FNDC3A: variants seen among roughly 807,000 people sequenced by gnomAD.
The protein encoded by FNDC3A is fibronectin type-III domain-containing protein 3A.
FNDC3A carries 32 observed loss-of-function variants against 148.9 expected under a neutral mutation model. That is an observed-to-expected ratio of 0.21 (90% CI 0.16 to 0.29). The LOEUF is 0.29. FNDC3A is among the 10% of genes least tolerant of loss of function. FNDC3A has a pLI of 1.00. For missense variants in FNDC3A, 1,191 were observed against 1,452.8 expected, an observed-to-expected ratio of 0.82 and a Z score of 2.93; for synonymous variants, 472 against 473.6, an observed-to-expected ratio of 1.00 and a Z score of 0.04.
chr13:49,172,017 A>C (rs1210546314), intron 10 of FNDC3A, 26 bp from the exon 11 acceptor site: 1 of 1,562,494 alleles, frequency 6.4e-7, no homozygotes, highest in Non-Finnish European at 8.8e-7. Context: ...ATTTGTTTTC[A>C]TTTTGTTTTT....
chr13:48,988,693 ATAAG>A (rs947035956), intron 1 of FNDC3A, among the ~76,000 whole-genome samples: 2 of 151,818 alleles, frequency 1.3e-5, no homozygotes, highest in South Asian at 2.1e-4. Flanking sequence ...TAATAAGTAA[ATAAG>A]TAAGTAAGCC....
rs760887066 is a variant in FNDC3A, at chr13:49,175,391, T to C, written c.1380T>C (p.Tyr460=). ...GTSGFSEEVL[Y]YTSGCAPSMP... The stretch of plus-strand genomic sequence containing the variant: ...GTGGTTTTAGTGAAGAAGTCTTATA[T>C]TACACCTCAGGCTGTGCTCCTTCTA... The change falls in exon 13 of 26, where the codon TAT becomes TAC. Residue 460 remains tyrosine (Y), a synonymous_variant. Coordinates refer to ENST00000492622, the MANE Select transcript of FNDC3A (RefSeq NM_001079673.2). The C allele has an allele frequency of 1.0e-5, 16 of 1,595,764 alleles. No homozygotes were observed. Among genetic ancestry groups the C allele is most frequent in the Non-Finnish European group, 1.4e-5 (16 of 1,172,938 alleles).
intron 2 of FNDC3A, among the ~76,000 whole-genome samples, chr13:49,026,446 A>T (rs996469339): frequency 1.3e-5 from 2 of 152,250 alleles, no homozygotes; most frequent in African/African-American, 4.8e-5. Context: ...AATATTAAAG[A>T]CATGCCATTA....
intron 8 of FNDC3A, among the ~76,000 whole-genome samples, chr13:49,163,427 G>T (rs917087230): frequency 1.3e-5 from 2 of 152,218 alleles, no homozygotes; most frequent in African/African-American, 2.4e-5. Flanking sequence ...GTGGGCGTGG[G>T]ACCCTCCATG....
At chr13:49,127,688 C>T (rs1881783377) in intron 4 of FNDC3A, among the ~76,000 whole-genome samples, 1 of 152,202 alleles carries the variant, frequency 6.6e-6, no homozygotes, top group African/African-American at 2.4e-5. Context: ...GTCTATTCAA[C>T]ATTTCCACTA....
chr13:49,098,278 A>C (rs1480222879), intron 3 of FNDC3A, among the ~76,000 whole-genome samples: 1 of 152,084 alleles, frequency 6.6e-6, no homozygotes, highest in African/African-American at 2.4e-5. Context: ...TCACTTGAGC[A>C]GTTTTTTTCA....
chr13:49,042,092 G>GT (rs768089335), intron 2 of FNDC3A, among the ~76,000 whole-genome samples: 10 of 152,102 alleles, frequency 6.6e-5, no homozygotes, highest in Non-Finnish European at 1.5e-4. Context: ...AGATATGGGA[G>GT]TAAAAAGGAG....
chr13:49,012,805 A>ATATGTGTGTG (rs1555277951), intron 2 of FNDC3A, among the ~76,000 whole-genome samples: 2 of 134,524 alleles, frequency 1.5e-5, no homozygotes, highest in African/African-American at 2.9e-5. Flanking sequence ...GCAATTATAA[A>ATATGTGTGTG]TGTGTGTGTG....
chr13:49,087,824 AGTTG>A (rs915492922), intron 3 of FNDC3A, among the ~76,000 whole-genome samples: 3 of 152,312 alleles, frequency 2.0e-5, no homozygotes, highest in African/African-American at 7.2e-5. Context: ...TAAGAGGGGA[AGTTG>A]GTTGGTTTTA....
intron 2 of FNDC3A, among the ~76,000 whole-genome samples, chr13:49,063,575 T>C (rs1179607663): frequency 6.6e-6 from 1 of 152,112 alleles, no homozygotes; most frequent in East Asian, 1.9e-4. Context: ...TCCAAGAAAT[T>C]ACATTAATAT....
At chr13:49,089,171 G>A (rs1442582855) in intron 3 of FNDC3A, among the ~76,000 whole-genome samples, 1 of 152,140 alleles carries the variant, frequency 6.6e-6, no homozygotes, top group Non-Finnish European at 1.5e-5. Flanking sequence ...CACTTAAAAT[G>A]TGTTAAAATG....
At chr13:49,143,252 A>G (rs1882790718) in intron 7 of FNDC3A, among the ~76,000 whole-genome samples, 1 of 152,150 alleles carries the variant, frequency 6.6e-6, no homozygotes, top group Admixed American at 6.5e-5. Flanking sequence ...GGCCCAGTGC[A>G]GTGGCTCACA....
intron 2 of FNDC3A, among the ~76,000 whole-genome samples, chr13:49,067,001 A>C (rs114419537): frequency 0.019 from 2,846 of 152,236 alleles, 93 homozygotes; most frequent in African/African-American, 0.063. Context: ...TATGGGCAAA[A>C]GTGTAGAGGC....
intron 2 of FNDC3A, among the ~76,000 whole-genome samples, chr13:49,008,953 T>A (rs1438385684): frequency 7.4e-6 from 1 of 135,906 alleles, no homozygotes; most frequent in East Asian, 2.1e-4. Flanking sequence ...GTGTGATATA[T>A]TTGTTACAAT....
At chr13:49,146,746 AT>A (rs1209067932) in intron 8 of FNDC3A, 6 of 152,236 alleles carry the variant, frequency 3.9e-5, no homozygotes, top group African/African-American at 1.4e-4. Context: ...CAAGAAAAAA[AT>A]AAAAGTATAT....
intron 19 of FNDC3A, among the ~76,000 whole-genome samples, chr13:49,196,624 C>G (rs1370319901): frequency 6.6e-6 from 1 of 151,620 alleles, no homozygotes; most frequent in Admixed American, 6.5e-5. Context: ...GCCCTTCTTA[C>G]AAAAACCATT....
At chr13:49,113,498 A>T (rs1264396153) in intron 3 of FNDC3A, among the ~76,000 whole-genome samples, 1 of 151,846 alleles carries the variant, frequency 6.6e-6, no homozygotes, top group Non-Finnish European at 1.5e-5. Context: ...CATGTCCTTT[A>T]TTCTGATTTT....
intron 1 of FNDC3A, among the ~76,000 whole-genome samples, chr13:48,991,278 A>G (rs1951910689): frequency 6.6e-6 from 1 of 152,262 alleles, no homozygotes; most frequent in African/African-American, 2.4e-5. Context: ...GAAATCAGTA[A>G]GTTAAACCAG....
intron 8 of FNDC3A, among the ~76,000 whole-genome samples, chr13:49,163,890 CTTA>C (rs1472124487): frequency 1.3e-5 from 2 of 152,064 alleles, no homozygotes; most frequent in African/African-American, 4.8e-5. Context: ...TTCATTCTTT[CTTA>C]TTATGATTGT....
Sources: gnomAD v4.1 joint callset for allele counts (sites outside exome capture counted in the v4.1 genomes callset) on GRCh38, gnomAD v4.1.1 for gene constraint, MANE v1.5 for transcripts, NCBI Gene and HGNC (gene_info 2026-07-23, HGNC 2026-07-21) for gene names.